The following SLC4A1 variants were observed in gnomAD, a reference collection of about 807,000 sequenced individuals.
SLC4A1 encodes solute carrier family 4 member 1 (Diego blood group).
Under a neutral mutation model 93.1 loss-of-function variants are expected in SLC4A1, and 29 were observed. The ratio of observed to expected loss-of-function variants is 0.31; its 90% CI spans 0.23 to 0.42. SLC4A1 has a LOEUF of 0.42. Ranked by LOEUF, SLC4A1 falls within the 20% of genes least tolerant of loss-of-function variation. The pLI is 1.00. For missense variants in SLC4A1, 965 were observed against 1,190.1 expected (o/e 0.81, Z 2.78); for synonymous variants, 469 against 497.2 (o/e 0.94, Z 0.76).
At chr17:44,260,923 C>T in intron 4 of SLC4A1, 108 bp from the exon 5 acceptor site, 1 of 1,275,130 alleles carries the variant, frequency 7.8e-7, no homozygotes, top group Non-Finnish European at 1.1e-6. Context: ...GATCCCTGTG[C>T]TCAAGGGTCC....
At chr17:44,253,625 C>G (rs753147872) in intron 16 of SLC4A1, among the ~76,000 whole-genome samples, 1 of 152,114 alleles carries the variant, frequency 6.6e-6, no homozygotes. Context: ...TTGTACAGGC[C>G]CCTCCAAGAT....
At position 44,251,451 on chromosome 17, in the gene SLC4A1, T is replaced by C; in HGVS notation, c.2449A>G (p.Lys817Glu). 1 of 1,614,148 alleles carries C rather than the reference T, an allele frequency of 6.2e-7. No individual in the cohort carries two copies. Among genetic ancestry groups the C allele is most frequent in the African/African-American group, 1.3e-5 (1 of 75,032 alleles). The change falls in exon 18 of 20, where the codon AAG becomes GAG. Residue 817 changes from lysine (K) to glutamate (E), a missense_variant. Around this residue, in one of 2 missense-constraint regions of SLC4A1, gnomAD observed 770 missense variants for 1,006.6 expected, o/e 0.76. Transcript: ENST00000262418. The part of the protein sequence containing the change: ...DRILLLFKPP[K>E]YHPDVPYVKR... ...ACGTAGGGCACATCTGGGTGATACTTGGGTGGCTTGAACAGAAGCAAGATG... is the reference window on the plus strand; with the variant it reads ...ACGTAGGGCACATCTGGGTGATACTCGGGTGGCTTGAACAGAAGCAAGATG...
chr17:44,257,885 G>T (rs2047404283), intron 11 of SLC4A1, 78 bp from the exon 12 acceptor site: 8 of 1,607,202 alleles, frequency 5.0e-6, no homozygotes, highest in Non-Finnish European at 6.8e-6. Flanking sequence ...TGGTCAGGCT[G>T]ATGCAGGGGT....
At chr17:44,251,378 T>C in intron 18 of SLC4A1, 41 bp downstream of exon 18, 3 of 1,614,180 alleles carry the variant, frequency 1.9e-6, no homozygotes, top group Non-Finnish European at 2.5e-6. Context: ...CCCAGCACCC[T>C]CTACCACCCC....
At position 44,249,214 on chromosome 17, in the gene SLC4A1, C is replaced by T. The variant is rs955299700; in HGVS notation, c.*1244G>A. 6.7e-6 allele frequency: 3 copies of T among 451,066 alleles called. No homozygotes were observed. Among genetic ancestry groups the T allele is most frequent in the Admixed American group, 4.9e-5 (2 of 41,072 alleles). 27.9% of individuals were successfully genotyped at this position (451,066 alleles called of 1,614,324 possible). ...ATTCTGTTTCCTCCATCTCTCACCA[C>T]TTTCACGTCTTTCAACTCTTTTTAT... is the stretch of plus-strand genomic sequence containing the variant. On this transcript the variant is annotated 3_prime_UTR_variant, in exon 20 of 20. Coordinates refer to ENST00000262418, the MANE Select transcript of SLC4A1 (RefSeq NM_000342.4).
At chr17:44,263,461 G>A (rs903310628) in intron 1 of SLC4A1, among the ~76,000 whole-genome samples, 18 of 152,092 alleles carry the variant, frequency 1.2e-4, no homozygotes, top group Non-Finnish European at 2.5e-4. Context: ...CTTGCACTCC[G>A]TCTCTCTCGC....
chr17:44,250,406 G>T lies in SLC4A1; in HGVS notation c.*52C>A. On this transcript the variant is annotated 3_prime_UTR_variant, in exon 20 of 20. Transcript: ENST00000262418. The stretch of plus-strand genomic sequence containing the variant: ...GCCCATGAACTTCTGCTTTTCCTTG[G>T]AAGGTGGGGATGTGGAATGGTGGGG... The T allele has an allele frequency of 6.9e-7, 1 of 1,440,112 alleles. No individual in the cohort carries two copies. Among genetic ancestry groups the T allele is most frequent in the Non-Finnish European group, 9.8e-7 (1 of 1,022,492 alleles). 89.2% of individuals were successfully genotyped at this position (1,440,112 alleles called of 1,614,324 possible).
chr17:44,251,686 C>T (rs1365371653), intron 17 of SLC4A1, 98 bp from the exon 18 acceptor site: 3 of 859,868 alleles, frequency 3.5e-6, no homozygotes, highest in Non-Finnish European at 5.5e-6. Context: ...AACACAGGCA[C>T]CATATGGAGC....
At chr17:44,261,345 G>A (rs1229462568) in intron 4 of SLC4A1, among the ~76,000 whole-genome samples, 3 of 152,218 alleles carry the variant, frequency 2.0e-5, no homozygotes, top group Non-Finnish European at 4.4e-5. Flanking sequence ...TGGGGACTCA[G>A]CCCTTGTCAA....
intron 19 of SLC4A1, 69 bp from the exon 20 acceptor site, chr17:44,250,607 GA>G: frequency 8.2e-7 from 1 of 1,217,826 alleles, no homozygotes; most frequent in Non-Finnish European, 1.2e-6. Context: ...CCCCGGGCAC[GA>G]AAGGCACCTC....
At chr17:44,255,914 T>A (rs753371421) in intron 13 of SLC4A1, 68 bp from the exon 14 acceptor site, 2 of 1,445,008 alleles carry the variant, frequency 1.4e-6, no homozygotes, top group Non-Finnish European at 1.9e-6. Flanking sequence ...TACCACCAGC[T>A]AACTCTACCC....
At chr17:44,262,362 TG>T (rs1598303016) in intron 3 of SLC4A1, among the ~76,000 whole-genome samples, 1 of 152,336 alleles carries the variant, frequency 6.6e-6, no homozygotes, top group African/African-American at 2.4e-5. Context: ...TGGGCACAGA[TG>T]GCATGTGGGC....
Position 44,258,617 on chromosome 17 carries a change from G to C in SLC4A1, c.883C>G (p.Arg295Gly), listed in dbSNP as rs769465410. 3 of 1,592,648 alleles carry C rather than the reference G, an allele frequency of 1.9e-6. No individual in the cohort carries two copies. The highest frequency in any genetic ancestry group is 2.6e-6 in the Non-Finnish European group (3 of 1,170,702). ...CTCTGAGCCATGTAGGCATCTATGC[G>C]GAACACCTAGGGGCAGGAGACAGGG... is the stretch of plus-strand genomic sequence containing the variant. Reference protein sequence around the residue: ...AATLMSERVFRIDAYMAQSRG... With the variant: ...AATLMSERVFGIDAYMAQSRG... The change falls in exon 10 of 20, where the codon CGC (arginine) becomes GGC (glycine). Residue 295 changes from arginine (R) to glycine (G), a missense_variant. Around this residue, in one of 2 missense-constraint regions of SLC4A1, gnomAD observed 770 missense variants for 1,006.6 expected, o/e 0.76. Coordinates refer to ENST00000262418, the MANE Select transcript of SLC4A1 (RefSeq NM_000342.4). This position sits in a 1 kb window ranked among gnomAD's most constrained non-coding sequence, Gnocchi z 6.1.
rs886785312 is a variant in SLC4A1 at position 44,261,894 on chromosome 17, C to T, written c.107-258G>A. On this transcript the variant is annotated intron_variant, in intron 3 of 19. Transcript: ENST00000262418. ...CGGGATTCAGCCAGGGAGGCCTAGCCCCTCCGCAGTGATGAAGTGAAGGGA... is the reference window on the plus strand; with the variant it reads ...CGGGATTCAGCCAGGGAGGCCTAGCTCCTCCGCAGTGATGAAGTGAAGGGA... 1.7e-5 allele frequency: 18 copies of T among 1,029,654 alleles called. No individual in the cohort carries two copies. The African/African-American group carries it at 2.6e-4, about 15-fold the overall frequency. 63.8% of individuals were successfully genotyped at this position (1,029,654 alleles called of 1,614,324 possible).
intron 1 of SLC4A1, among the ~76,000 whole-genome samples, chr17:44,263,167 C>G (rs1468448532): frequency 6.6e-6 from 1 of 152,156 alleles, no homozygotes; most frequent in Non-Finnish European, 1.5e-5. Context: ...TGGCTGGCAC[C>G]AGCGAAGGAT....
Position 44,265,433 on chromosome 17 carries a change from G to C in SLC4A1, c.-68-2499C>G, listed in dbSNP as rs113846910. Among the ~76,000 whole-genome samples the C allele has an allele frequency of 1.2e-4, 18 of 152,190 alleles. 2 individuals carry two copies. The highest frequency in any genetic ancestry group is 3.6e-4 in the African/African-American group (15 of 41,530). On this transcript the variant is annotated intron_variant, in intron 1 of 19. Transcript: ENST00000262418. ...CTCCCAGTCTGGAGTGCAGTGGCGCGATCTTGGCTCACTGCAAGCTCCGCC... is the reference window on the plus strand; with the variant it reads ...CTCCCAGTCTGGAGTGCAGTGGCGCCATCTTGGCTCACTGCAAGCTCCGCC...
At chr17:44,262,437 C>T (rs1199568203) in intron 3 of SLC4A1, among the ~76,000 whole-genome samples, 199 bp downstream of exon 3, 1 of 152,266 alleles carries the variant, frequency 6.6e-6, no homozygotes, top group Non-Finnish European at 1.5e-5. Context: ...GGATGGGTGA[C>T]TGCCCCTGCT....
chr17:44,249,524 C>G lies in SLC4A1; in HGVS notation c.*934G>C, dbSNP rs776244639. ...GTAGAATCAACTGTACCTTGCCCCCCACCCCCACCCCAGGGCAGGGCTTGT... is the reference window on the plus strand; with the variant it reads ...GTAGAATCAACTGTACCTTGCCCCCGACCCCCACCCCAGGGCAGGGCTTGT... On this transcript the variant is annotated 3_prime_UTR_variant, in exon 20 of 20. Coordinates refer to ENST00000262418, the MANE Select transcript of SLC4A1 (RefSeq NM_000342.4). 3 of 208,744 alleles carry G rather than the reference C, an allele frequency of 1.4e-5. No homozygotes were observed. The highest frequency in any genetic ancestry group is 2.4e-5 in the African/African-American group (1 of 41,492). 12.9% of individuals were successfully genotyped at this position (208,744 alleles called of 1,614,324 possible).
In SLC4A1 at chr17:44,258,616, C is replaced by A. The variant is rs140424071; in HGVS notation, c.884G>T (p.Arg295Leu). The A allele has an allele frequency of 3.1e-6, 5 of 1,596,214 alleles. No individual in the cohort carries two copies. Among genetic ancestry groups the A allele is most frequent in the East Asian group, 2.3e-5 (1 of 43,666 alleles). The change falls in exon 10 of 20, where the codon CGC (arginine) becomes CTC (leucine). Residue 295 changes from arginine (R) to leucine (L), a missense_variant. Physicochemically the swap from Arg to Leu is moderately radical, Grantham distance 102 (BLOSUM62 -2). Coordinates refer to ENST00000262418, the MANE Select transcript of SLC4A1 (RefSeq NM_000342.4). This position sits in a 1 kb window ranked among gnomAD's most constrained non-coding sequence, Gnocchi z 6.1. ...AATLMSERVF[R>L]IDAYMAQSRG... ...GCTCTGAGCCATGTAGGCATCTATGCGGAACACCTAGGGGCAGGAGACAGG... is the reference window on the plus strand; with the variant it reads ...GCTCTGAGCCATGTAGGCATCTATGAGGAACACCTAGGGGCAGGAGACAGG...
Sources: gnomAD v4.1 joint callset for allele counts (sites outside exome capture counted in the v4.1 genomes callset) on GRCh38, gnomAD v4.1.1 for gene constraint, gnomAD v4.1.1 regional missense constraint, Gnocchi (gnomAD v3.1) non-coding constraint, MANE v1.5 for transcripts, NCBI Gene and HGNC (gene_info 2026-07-23, HGNC 2026-07-21) for gene names.